Variants in LGSN observed in about 807,000 individuals in gnomAD.
The protein encoded by LGSN is lengsin, lens protein with glutamine synthetase domain.
A neutral mutation model predicts 19.5 loss-of-function variants in LGSN; 21 were observed. The observed-to-expected ratio is 1.07, with a 90% CI of 0.76 to 1.55. The LOEUF (loss-of-function observed/expected upper bound fraction) is 1.55. Ranked by LOEUF, LGSN falls within the 40% of genes most tolerant of loss-of-function variation. The probability of loss-of-function intolerance (pLI) is 0.00; values close to 1 mark genes in which losing one functional copy is unlikely to be tolerated. For missense variants in LGSN, 673 were observed against 608.5 expected (o/e 1.11, Z -1.12); for synonymous variants, 257 against 215.6 (o/e 1.19, Z -1.68).
chr6:63,529,111 ATATATATATGTATATATATGTGTGTG>A, the LGSN span, among the ~76,000 whole-genome samples: 33 of 146,548 alleles, frequency 2.3e-4, no homozygotes, highest in African/African-American at 8.3e-4. Flanking sequence ...ATGTGTGTAT[ATATATATATGTATATATATGTGTGTG>A]TATATATATA....
At chr6:63,397,443 G>T in the LGSN span, among the ~76,000 whole-genome samples, 1 of 147,524 alleles carries the variant, frequency 6.8e-6, no homozygotes, top group Non-Finnish European at 1.5e-5. Flanking sequence ...AAACTTGTCG[G>T]CTTGGGAGAA....
chr6:63,481,373 G>T, the LGSN span, among the ~76,000 whole-genome samples: 82,414 of 150,486 alleles, frequency 0.55, 22,749 homozygotes, highest in Non-Finnish European at 0.57. Flanking sequence ...GACGGGGTCT[G>T]GCTCTGTCGC....
At chr6:63,499,490 G>C in the LGSN span, among the ~76,000 whole-genome samples, 1 of 152,054 alleles carries the variant, frequency 6.6e-6, no homozygotes, top group Non-Finnish European at 1.5e-5. Flanking sequence ...GGCTTTAAGA[G>C]TTTTTCAATC....
At chr6:63,373,888 T>C in the LGSN span, among the ~76,000 whole-genome samples, 1 of 150,998 alleles carries the variant, frequency 6.6e-6, no homozygotes, top group South Asian at 2.1e-4. Flanking sequence ...TGAGCCAAGA[T>C]GGGGCCACTG....
the LGSN span, among the ~76,000 whole-genome samples, chr6:63,426,543 C>A: frequency 6.7e-6 from 1 of 149,064 alleles, no homozygotes; most frequent in Non-Finnish European, 1.5e-5. Context: ...GAGACAGAGT[C>A]TCGCTCTGTT....
At chr6:63,535,999 G>C in the LGSN span, among the ~76,000 whole-genome samples, 2 of 151,264 alleles carry the variant, frequency 1.3e-5, no homozygotes, top group African/African-American at 2.4e-5. Context: ...CCTGGAACTC[G>C]TGACATCAGG....
the LGSN span, among the ~76,000 whole-genome samples, chr6:63,462,274 A>G: frequency 6.6e-6 from 1 of 152,196 alleles, no homozygotes; most frequent in African/African-American, 2.4e-5. Flanking sequence ...TGATTCGGGT[A>G]TCTGATACCT....
the LGSN span, among the ~76,000 whole-genome samples, chr6:63,563,701 G>A: frequency 6.6e-6 from 1 of 152,180 alleles, no homozygotes; most frequent in African/African-American, 2.4e-5. Context: ...ACACATATGT[G>A]TTGGGGAAGG....
chr6:63,358,377 T>G, the LGSN span, among the ~76,000 whole-genome samples: 3 of 152,244 alleles, frequency 2.0e-5, no homozygotes, highest in Non-Finnish European at 4.4e-5. Flanking sequence ...AGAAAGTCAT[T>G]GGTAGCTTGA....
At chr6:63,563,335 G>A in the LGSN span, among the ~76,000 whole-genome samples, 4 of 152,088 alleles carry the variant, frequency 2.6e-5, no homozygotes, top group Non-Finnish European at 5.9e-5. Flanking sequence ...CCCTTGTATT[G>A]CTGCAGTCCC....
chr6:63,515,682 A>G, the LGSN span, among the ~76,000 whole-genome samples: 3 of 152,198 alleles, frequency 2.0e-5, no homozygotes, highest in African/African-American at 4.8e-5. Context: ...CGGTGCTAGA[A>G]AGCAAAGAGC....
chr6:63,484,706 A>T, the LGSN span, among the ~76,000 whole-genome samples: 7 of 152,336 alleles, frequency 4.6e-5, no homozygotes, highest in Non-Finnish European at 1.0e-4. Flanking sequence ...AGACCAAGGT[A>T]CATATTAAAA....
At chr6:63,283,779 C>CA in intron 3 of LGSN, among the ~76,000 whole-genome samples, 2 of 152,226 alleles carry the variant, frequency 1.3e-5, no homozygotes, top group South Asian at 4.1e-4. Context: ...CGGCTCACTG[C>CA]AACCTCCGCC....
the LGSN span, among the ~76,000 whole-genome samples, chr6:63,525,004 G>T: frequency 6.6e-6 from 1 of 152,208 alleles, no homozygotes; most frequent in Non-Finnish European, 1.5e-5. Context: ...AGTTGAGCAT[G>T]TCACCAAGCC....
the LGSN span, among the ~76,000 whole-genome samples, chr6:63,430,961 C>T: frequency 6.6e-6 from 1 of 152,082 alleles, no homozygotes; most frequent in African/African-American, 2.4e-5. Context: ...CCTGAATGAT[C>T]ATGTATTATT....
the LGSN span, among the ~76,000 whole-genome samples, chr6:63,367,553 A>T: frequency 6.6e-6 from 1 of 151,448 alleles, no homozygotes; most frequent in Admixed American, 6.6e-5. Context: ...AGGATCTAGA[A>T]CTAGAAATAC....
chr6:63,290,342 G>C (rs982088172), intron 2 of LGSN, among the ~76,000 whole-genome samples: 1 of 152,182 alleles, frequency 6.6e-6, no homozygotes, highest in Non-Finnish European at 1.5e-5. Flanking sequence ...TCTTTCTCCA[G>C]ATTTCTGGCT....
At chr6:63,398,187 T>C in the LGSN span, among the ~76,000 whole-genome samples, 1 of 148,068 alleles carries the variant, frequency 6.8e-6, no homozygotes, top group Non-Finnish European at 1.5e-5. Flanking sequence ...TTAATTATTT[T>C]AGAGTATACT....
the LGSN span, among the ~76,000 whole-genome samples, chr6:63,500,329 G>A: frequency 6.6e-6 from 1 of 152,186 alleles, no homozygotes; most frequent in Non-Finnish European, 1.5e-5. Context: ...CAATGGTCAA[G>A]AGCACTGGCT....
Sources: allele counts gnomAD v4.1 joint callset (sites outside exome capture counted in the v4.1 genomes callset), GRCh38; gene constraint gnomAD v4.1.1; transcripts MANE v1.5; gene names NCBI Gene and HGNC (gene_info 2026-07-23, HGNC 2026-07-21).